FHIT: variants seen among roughly 807,000 people sequenced by gnomAD.
The protein encoded by FHIT is fragile histidine triad diadenosine triphosphatase.
A neutral mutation model predicts 17.9 loss-of-function variants in FHIT; 19 were observed. The observed-to-expected ratio is 1.06, with a 90% CI of 0.74 to 1.56. The LOEUF is 1.56. Among genes scored for constraint, FHIT ranks in the 40% most tolerant of loss-of-function variants. The pLI is 0.00. For synonymous variants in FHIT, 81 were observed against 69.7 expected (o/e 1.16, Z -0.81); for missense variants, 248 against 189.2 (o/e 1.31, Z -1.82).
intron 7 of FHIT, among the ~76,000 whole-genome samples, chr3:59,986,443 G>A (rs1192937864): frequency 2.1e-5 from 3 of 144,950 alleles, no homozygotes; most frequent in Non-Finnish European, 4.5e-5. Context: ...CCAGAAGTCT[G>A]TGATTGGATC....
At chr3:60,732,528 G>A (rs115515589) in intron 4 of FHIT, 18,937 of 657,312 alleles carry the variant, frequency 0.029, 442 homozygotes, top group South Asian at 0.066. Context: ...CTCAGAGCAC[G>A]AAAGTTTTCT....
intron 3 of FHIT, among the ~76,000 whole-genome samples, chr3:60,847,131 TTA>T (rs1702956576): frequency 6.6e-6 from 1 of 152,172 alleles, no homozygotes; most frequent in African/African-American, 2.4e-5. Flanking sequence ...GCTGATAACC[TTA>T]TTTCATAAGC....
chr3:61,215,565 C>A (rs2039646781), intron 1 of FHIT, among the ~76,000 whole-genome samples: 1 of 152,152 alleles, frequency 6.6e-6, no homozygotes, highest in Admixed American at 6.6e-5. Flanking sequence ...AATGGCCATA[C>A]TGCCCAAGGT....
intron 4 of FHIT, among the ~76,000 whole-genome samples, chr3:60,672,663 T>C (rs1366109202): frequency 3.3e-5 from 5 of 152,194 alleles, no homozygotes; most frequent in African/African-American, 1.2e-4. Flanking sequence ...AGTATCCATA[T>C]TGACAATCTA....
intron 4 of FHIT, among the ~76,000 whole-genome samples, chr3:60,747,229 T>C (rs990652356): frequency 1.3e-5 from 2 of 152,166 alleles, no homozygotes; most frequent in Non-Finnish European, 2.9e-5. Context: ...CCTCTCTGCC[T>C]GGAATTGTCT....
At chr3:60,416,984 G>C (rs1702271654) in intron 5 of FHIT, among the ~76,000 whole-genome samples, 1 of 151,942 alleles carries the variant, frequency 6.6e-6, no homozygotes, top group Non-Finnish European at 1.5e-5. Context: ...AGCTACTCGG[G>C]AGGCTGAGGC....
intron 3 of FHIT, among the ~76,000 whole-genome samples, chr3:60,906,275 C>T (rs782109321): frequency 3.9e-5 from 6 of 151,944 alleles, no homozygotes; most frequent in Non-Finnish European, 8.8e-5. Context: ...GCAAATGAAT[C>T]GATACATTAG....
At chr3:59,968,263 T>G (rs1708020156) in intron 7 of FHIT, among the ~76,000 whole-genome samples, 1 of 152,088 alleles carries the variant, frequency 6.6e-6, no homozygotes. Context: ...CTCCAGGTGA[T>G]GAAATCATAC....
intron 4 of FHIT, among the ~76,000 whole-genome samples, chr3:60,630,865 T>C (rs571627713): frequency 4.0e-5 from 6 of 151,490 alleles, no homozygotes; most frequent in African/African-American, 1.5e-4. Context: ...CCTGAGTCCC[T>C]GTTAGGATTC....
chr3:60,930,819 G>T lies in FHIT; in HGVS notation c.-110-108808C>A, dbSNP rs551403157. Among the ~76,000 whole-genome samples, 37 of 152,272 alleles carry T rather than the reference G, an allele frequency of 2.4e-4. No homozygotes were observed. In the South Asian group the frequency reaches 6.0e-3, roughly 25 times the overall value. ...GAAGTCAGTGTGGTGATTCCTCAAG[G>T]ATCTAGAACTAGAAATACCATTTGA... On this transcript the variant is annotated intron_variant, in intron 3 of 9. Coordinates refer to ENST00000492590, the MANE Select transcript of FHIT (RefSeq NM_002012.4).
At chr3:60,516,946 C>T (rs929828305) in intron 5 of FHIT, among the ~76,000 whole-genome samples, 3 of 152,138 alleles carry the variant, frequency 2.0e-5, no homozygotes, top group African/African-American at 7.2e-5. Context: ...GCTAAGAAAA[C>T]ATAATCATTT....
chr3:60,071,481 A>G (rs905881697), intron 5 of FHIT, among the ~76,000 whole-genome samples: 1 of 151,796 alleles, frequency 6.6e-6, no homozygotes, highest in Non-Finnish European at 1.5e-5. Flanking sequence ...CATTTCCCCC[A>G]CTTCTGAGGC....
intron 8 of FHIT, among the ~76,000 whole-genome samples, chr3:59,918,721 C>T (rs1705259993): frequency 6.6e-6 from 1 of 152,150 alleles, no homozygotes; most frequent in Admixed American, 6.5e-5. Flanking sequence ...GCACCATTAG[C>T]CAGTGAAGCA....
intron 2 of FHIT, among the ~76,000 whole-genome samples, chr3:61,158,444 T>C (rs545028420): frequency 3.9e-5 from 6 of 152,192 alleles, no homozygotes; most frequent in Non-Finnish European, 8.8e-5. Context: ...TAGGAAGCTG[T>C]AAATTAAAGG....
chr3:60,573,885 C>T (rs188020588), intron 4 of FHIT, among the ~76,000 whole-genome samples: 9 of 152,162 alleles, frequency 5.9e-5, no homozygotes, highest in African/African-American at 2.2e-4. Context: ...TCTCAGCTCA[C>T]TATAACCTCT....
chr3:60,367,321 G>A (rs557967453), intron 5 of FHIT, among the ~76,000 whole-genome samples: 2 of 152,290 alleles, frequency 1.3e-5, no homozygotes, highest in African/African-American at 4.8e-5. Flanking sequence ...GGACCAAATA[G>A]CTAACACTCC....
intron 4 of FHIT, among the ~76,000 whole-genome samples, chr3:60,579,615 A>G (rs551367587): frequency 6.6e-6 from 1 of 152,318 alleles, no homozygotes; most frequent in African/African-American, 2.4e-5. Flanking sequence ...ATACCTATAT[A>G]TACACACACA....
intron 8 of FHIT, among the ~76,000 whole-genome samples, chr3:59,781,297 A>G (rs188141837): frequency 1.0e-3 from 156 of 152,352 alleles, no homozygotes; most frequent in African/African-American, 3.4e-3. Context: ...CAGAAAGGCT[A>G]TGGCACTTGA....
intron 1 of FHIT, among the ~76,000 whole-genome samples, chr3:61,228,041 A>G (rs1466031671): frequency 1.3e-5 from 2 of 152,198 alleles, no homozygotes; most frequent in Non-Finnish European, 2.9e-5. Context: ...ATCTACAGCT[A>G]CTTTAAAGCA....
Sources: gnomAD v4.1 joint callset for allele counts (sites outside exome capture counted in the v4.1 genomes callset) on GRCh38, gnomAD v4.1.1 for gene constraint, MANE v1.5 for transcripts, NCBI Gene and HGNC (gene_info 2026-07-23, HGNC 2026-07-21) for gene names.